The following TBC1D32 variants were observed in gnomAD, a reference collection of about 807,000 sequenced individuals.
TBC1D32 encodes the protein TBC1 domain family member 32, also known as protein broad-minded.
In TBC1D32, 151 loss-of-function variants were observed where a neutral mutation model predicts 170.3. The ratio of observed to expected loss-of-function variants is 0.89; its 90% CI spans 0.78 to 1.01. The LOEUF (loss-of-function observed/expected upper bound fraction) is 1.01, where lower values mean the gene tolerates loss of function less well. TBC1D32 is among the 50% of genes least tolerant of loss of function. The probability of loss-of-function intolerance (pLI) is 0.00; values close to 1 mark genes in which losing one functional copy is unlikely to be tolerated. For missense variants in TBC1D32, 1,464 were observed against 1,457.1 expected (o/e 1.00, Z -0.08); for synonymous variants, 498 against 488.0 (o/e 1.02, Z -0.27).
chr6:121,253,111 A>T (rs1421894165), intron 17 of TBC1D32, among the ~76,000 whole-genome samples: 3 of 152,178 alleles, frequency 2.0e-5, no homozygotes, highest in Non-Finnish European at 4.4e-5. Flanking sequence ...TAAATGGGAC[A>T]TAATTAAACT....
chr6:121,128,125 G>A (rs1029301269), intron 25 of TBC1D32, among the ~76,000 whole-genome samples: 8 of 152,092 alleles, frequency 5.3e-5, no homozygotes, highest in African/African-American at 1.9e-4. Flanking sequence ...AGAGGATTAC[G>A]GAGGAACAAA....
chr6:121,122,580 T>C (rs573035714), intron 26 of TBC1D32, among the ~76,000 whole-genome samples: 18 of 152,020 alleles, frequency 1.2e-4, no homozygotes, highest in Non-Finnish European at 1.9e-4. Context: ...AAATGCATCA[T>C]CAATAAAACT....
chr6:121,197,236 C>T (rs1004559282), intron 22 of TBC1D32, among the ~76,000 whole-genome samples: 5 of 152,102 alleles, frequency 3.3e-5, no homozygotes, highest in Non-Finnish European at 7.4e-5. Flanking sequence ...TTACCATGCC[C>T]TGTGATTAAG....
Position 121,205,146 on chromosome 6 carries a change from A to T in TBC1D32, c.2499T>A (p.Leu833=). 1 of 1,485,950 alleles carries T rather than the reference A, an allele frequency of 6.7e-7. No individual in the cohort carries two copies. The highest frequency in any genetic ancestry group is 9.2e-7 in the Non-Finnish European group (1 of 1,088,274). The allele number at this position is 1,485,950 out of a possible 1,614,324, so 92.0% of individuals were successfully genotyped here. A position where few individuals can be genotyped will look rare whatever the true frequency, so the allele number is the denominator to read the frequency against. ...TCTTAGCTTCAGAATTCAAAATTAT[A>T]AGTCTATCAATAATATCCTGAAAAA... is the stretch of plus-strand genomic sequence containing the variant. ...PTCVIDIIDR[L]IILNSEAKIR... is the part of the protein sequence containing the mutation. Residue 833 remains leucine (L), a synonymous_variant, in exon 22 of 32, where the codon CTT becomes CTA. Transcript: ENST00000398212.
At chr6:121,100,664 A>G (rs1777935486) in intron 30 of TBC1D32, among the ~76,000 whole-genome samples, 1 of 152,112 alleles carries the variant, frequency 6.6e-6, no homozygotes, top group Non-Finnish European at 1.5e-5. Flanking sequence ...CCCTAACATC[A>G]CAATTAAAAG....
intron 26 of TBC1D32, among the ~76,000 whole-genome samples, chr6:121,123,602 C>T (rs1735963034): frequency 6.6e-6 from 1 of 151,948 alleles, no homozygotes; most frequent in Admixed American, 6.6e-5. Context: ...TTTTCCATTA[C>T]TTCATTTTCA....
intron 3 of TBC1D32, among the ~76,000 whole-genome samples, chr6:121,314,437 T>C (rs991511257): frequency 2.0e-5 from 3 of 152,180 alleles, no homozygotes; most frequent in African/African-American, 4.8e-5. Flanking sequence ...AGGACCATTA[T>C]TCTGTGTACC....
At chr6:121,152,984 T>G (rs1784397946) in intron 24 of TBC1D32, among the ~76,000 whole-genome samples, 2 of 152,140 alleles carry the variant, frequency 1.3e-5, no homozygotes, top group Admixed American at 1.3e-4. Context: ...ATTACCCACC[T>G]TCTAAAGCCT....
At position 121,241,507 on chromosome 6, in the gene TBC1D32, C is replaced by T. The variant is rs1796985945; in HGVS notation, c.2203G>A (p.Val735Met). The T allele has an allele frequency of 6.2e-7, 1 of 1,613,410 alleles. No individual in the cohort carries two copies. The highest frequency in any genetic ancestry group is 1.3e-5 in the African/African-American group (1 of 74,884). ...KFGYGVLVTR[V>M]ASTAAGGIAL... Reference sequence around the variant, plus strand: ...ATGCCACCTGCTGCTGTTGATGCCACTCGTGTAACCAAAACTCCATAGCCA... The same window carrying T: ...ATGCCACCTGCTGCTGTTGATGCCATTCGTGTAACCAAAACTCCATAGCCA... Residue 735 changes from valine (V) to methionine (M), a missense_variant, in exon 19 of 32, where the codon GTG becomes ATG. By Grantham distance (21) the Val-to-Met change is conservative. This residue lies in a region of TBC1D32 where 1,363 missense variants were observed against 1,338.1 expected (regional missense o/e 1.02). Coordinates refer to ENST00000398212, the MANE Select transcript of TBC1D32 (RefSeq NM_152730.6).
chr6:121,098,556 G>A (rs1471214636), intron 30 of TBC1D32, among the ~76,000 whole-genome samples: 1 of 151,946 alleles, frequency 6.6e-6, no homozygotes, highest in Non-Finnish European at 1.5e-5. Context: ...GAAGCAACAT[G>A]AAAAACGTAA....
At chr6:121,319,281 G>T (rs115490101) in intron 2 of TBC1D32, among the ~76,000 whole-genome samples, 2,261 of 152,092 alleles carry the variant, frequency 0.015, 42 homozygotes, top group African/African-American at 0.044. Flanking sequence ...AACGTAAAGG[G>T]ACATAAAGAG....
intron 5 of TBC1D32, among the ~76,000 whole-genome samples, chr6:121,305,916 G>A (rs776241766): frequency 1.5e-4 from 23 of 151,940 alleles, no homozygotes; most frequent in Non-Finnish European, 1.5e-4. Context: ...TTTTATTAGC[G>A]TAAGTAATAA....
chr6:121,272,638 G>C (rs1801626407), intron 15 of TBC1D32, among the ~76,000 whole-genome samples: 1 of 152,098 alleles, frequency 6.6e-6, no homozygotes, highest in Non-Finnish European at 1.5e-5. Flanking sequence ...TGGAGAAATA[G>C]GAACACTTTT....
chr6:121,161,683 T>A (rs1448683985), intron 22 of TBC1D32, among the ~76,000 whole-genome samples: 1 of 152,194 alleles, frequency 6.6e-6, no homozygotes, highest in Non-Finnish European at 1.5e-5. Context: ...GGATTTATAT[T>A]ATTTTGGGTA....
At chr6:121,162,371 T>A (rs1207906445) in intron 22 of TBC1D32, among the ~76,000 whole-genome samples, 1 of 152,168 alleles carries the variant, frequency 6.6e-6, no homozygotes, top group East Asian at 1.9e-4. Flanking sequence ...TGAGTTGATT[T>A]TTGTATACAA....
At chr6:121,201,624 A>G (rs1456165463) in intron 22 of TBC1D32, among the ~76,000 whole-genome samples, 3 of 151,374 alleles carry the variant, frequency 2.0e-5, no homozygotes, top group Non-Finnish European at 4.4e-5. Flanking sequence ...CAATTCCTTC[A>G]GTCTCACACT....
At chr6:121,174,297 A>G (rs184543182) in intron 22 of TBC1D32, among the ~76,000 whole-genome samples, 37 of 152,334 alleles carry the variant, frequency 2.4e-4, no homozygotes, top group Admixed American at 2.2e-3. Flanking sequence ...CTTGAAGAGA[A>G]AACTGAAATA....
chr6:121,158,591 T>A (rs1785200329), intron 24 of TBC1D32, among the ~76,000 whole-genome samples: 1 of 152,120 alleles, frequency 6.6e-6, no homozygotes, highest in Non-Finnish European at 1.5e-5. Context: ...GCTTTTTGAA[T>A]TGCCATGTGG....
At chr6:121,304,945 A>T in intron 5 of TBC1D32, 112 bp from the exon 6 acceptor site, 1 of 706,152 alleles carries the variant, frequency 1.4e-6, no homozygotes. Context: ...CAAATAAACC[A>T]TTCAGAAACT....
Sources: allele counts gnomAD v4.1 joint callset (sites outside exome capture counted in the v4.1 genomes callset), GRCh38; gene constraint gnomAD v4.1.1; regional missense constraint gnomAD v4.1.1; transcripts MANE v1.5; gene names NCBI Gene and HGNC (gene_info 2026-07-23, HGNC 2026-07-21).